Variants in FKBP1B observed in about 807,000 individuals in gnomAD.
FKBP1B encodes the protein FKBP prolyl isomerase 1B.
In FKBP1B, 4 loss-of-function variants were observed where a neutral mutation model predicts 13.5. The observed-to-expected ratio is 0.30, with a 90% CI of 0.15 to 0.68. FKBP1B has a LOEUF of 0.68. Ranked by LOEUF, FKBP1B falls within the 30% of genes least tolerant of loss-of-function variation. The pLI is 0.76. For missense variants in FKBP1B, 93 were observed against 136.2 expected (o/e 0.68, Z 1.58); for synonymous variants, 54 against 53.6 (o/e 1.01, Z -0.03).
upstream of FKBP1B, chr2:24,049,739 C>T: frequency 2.3e-6 from 2 of 861,810 alleles, no homozygotes; most frequent in Non-Finnish European, 3.1e-6. Flanking sequence ...TCCTCCGGCT[C>T]TGCAGTGGCG....
At chr2:24,045,658 G>C (rs2150955976), upstream of FKBP1B, among the ~76,000 whole-genome samples, 2 of 145,354 alleles carry the variant, frequency 1.4e-5, no homozygotes, top group South Asian at 2.2e-4. Context: ...AGGAAGGAAG[G>C]GGGAGGGGGA....
chr2:24,053,784 G>T (rs1663988646), intron 1 of FKBP1B, 118 bp from the exon 2 acceptor site: 1 of 942,388 alleles, frequency 1.1e-6, no homozygotes, highest in South Asian at 1.4e-5. Flanking sequence ...TAGGGCCACA[G>T]GCATCTCCAT....
intron 1 of FKBP1B, among the ~76,000 whole-genome samples, chr2:24,051,906 G>C (rs868555047): frequency 6.6e-6 from 1 of 151,956 alleles, no homozygotes; most frequent in Non-Finnish European, 1.5e-5. Flanking sequence ...CTCCAGTGCA[G>C]ACTCTTCATC....
the FKBP1B span, chr2:24,037,827 C>T: frequency 2.5e-6 from 4 of 1,614,188 alleles, no homozygotes; most frequent in Non-Finnish European, 3.4e-6. Flanking sequence ...CCTTAGACAG[C>T]TGATAAGTTT....
the FKBP1B span, among the ~76,000 whole-genome samples, chr2:24,044,290 G>C: frequency 6.6e-6 from 1 of 151,726 alleles, no homozygotes; most frequent in Non-Finnish European, 1.5e-5. Flanking sequence ...GGGGCGTGGG[G>C]GCACAGTCTT....
chr2:24,051,081 A>G (rs1332130378), intron 1 of FKBP1B, among the ~76,000 whole-genome samples: 5 of 152,190 alleles, frequency 3.3e-5, no homozygotes, highest in African/African-American at 1.2e-4. Context: ...CACGCCTGTA[A>G]TCCCAGCACT....
At chr2:24,039,540 C>T in the FKBP1B span, 7 of 1,581,784 alleles carry the variant, frequency 4.4e-6, 1 homozygote, top group Non-Finnish European at 8.6e-7. Context: ...GAAAGTTACA[C>T]CATGAGAAAT....
the FKBP1B span, among the ~76,000 whole-genome samples, chr2:24,040,178 G>A: frequency 3.3e-5 from 5 of 152,164 alleles, no homozygotes; most frequent in African/African-American, 1.2e-4. Context: ...AAATAAGCAT[G>A]TTGAAGCACT....
At chr2:24,060,698 G>C in intron 2 of FKBP1B, 116 bp from the exon 3 acceptor site, 1 of 706,266 alleles carries the variant, frequency 1.4e-6, no homozygotes, top group Non-Finnish European at 2.5e-6. Context: ...GGATGGGGAG[G>C]ATCGGAAGAG....
intron 2 of FKBP1B, among the ~76,000 whole-genome samples, chr2:24,059,560 G>A (rs942670478): frequency 1.3e-5 from 2 of 152,100 alleles, no homozygotes; most frequent in Non-Finnish European, 2.9e-5. Context: ...TGGAATAGCT[G>A]GGAAAACAGA....
At chr2:24,039,522 T>G in the FKBP1B span, 3 of 1,599,306 alleles carry the variant, frequency 1.9e-6, no homozygotes, top group Non-Finnish European at 2.6e-6. Context: ...CCTGAAATGA[T>G]TAAGAAGGAA....
chr2:24,045,468 G>T (rs1449410064), upstream of FKBP1B, among the ~76,000 whole-genome samples: 2 of 151,972 alleles, frequency 1.3e-5, no homozygotes, highest in Admixed American at 6.6e-5. Context: ...GGGCGTGGTG[G>T]TGTGTGCCTG....
In FKBP1B at chr2:24,057,572, C is replaced by G. The variant is rs561472139; in HGVS notation, c.86-3242C>G. Among the ~76,000 whole-genome samples the G allele has an allele frequency of 2.0e-5, 3 of 152,226 alleles. No homozygotes were observed. The East Asian group carries it at 5.8e-4, about 30-fold the overall frequency. The stretch of plus-strand genomic sequence containing the variant: ...ATTTTTAGTAGAGACTGGGTTTCTC[C>G]ATGTTGGTCAGGCTGGTCTCGAACT... On this transcript the variant is annotated intron_variant, in intron 2 of 3. Coordinates refer to ENST00000380986, the MANE Select transcript of FKBP1B (RefSeq NM_004116.5).
chr2:24,043,833 A>T, the FKBP1B span, among the ~76,000 whole-genome samples: 3 of 152,080 alleles, frequency 2.0e-5, no homozygotes, highest in African/African-American at 7.2e-5. Flanking sequence ...CTTATCTGTA[A>T]ATTATTTCGC....
chr2:24,037,494 A>G, the FKBP1B span, among the ~76,000 whole-genome samples: 19 of 152,234 alleles, frequency 1.2e-4, no homozygotes, highest in African/African-American at 4.6e-4. Flanking sequence ...ATGTGCGCCT[A>G]TCTGGTTGGC....
upstream of FKBP1B, chr2:24,049,446 T>G (rs2150958457): frequency 1.7e-5 from 3 of 171,660 alleles, no homozygotes; most frequent in Non-Finnish European, 2.5e-5. Flanking sequence ...CACAAGTCTG[T>G]AGGACTGGGT....
upstream of FKBP1B, among the ~76,000 whole-genome samples, chr2:24,046,355 C>T (rs1245263026): frequency 6.6e-6 from 1 of 152,168 alleles, no homozygotes; most frequent in Non-Finnish European, 1.5e-5. Flanking sequence ...TTCCCCAACG[C>T]TACTGATTTT....
At chr2:24,038,048 T>C in the FKBP1B span, 2 of 1,614,202 alleles carry the variant, frequency 1.2e-6, no homozygotes, top group Non-Finnish European at 1.7e-6. Flanking sequence ...CTACTGGTAT[T>C]AACTGTCAGC....
the FKBP1B span, among the ~76,000 whole-genome samples, chr2:24,035,859 A>G: frequency 6.6e-6 from 1 of 151,826 alleles, no homozygotes; most frequent in Non-Finnish European, 1.5e-5. Flanking sequence ...TCACAAGGTC[A>G]GGAGATTGAG....
Sources: gnomAD v4.1 joint callset for allele counts (sites outside exome capture counted in the v4.1 genomes callset) on GRCh38, gnomAD v4.1.1 for gene constraint, MANE v1.5 for transcripts, NCBI Gene and HGNC (gene_info 2026-07-23, HGNC 2026-07-21) for gene names.